Variants in RAB11A observed in about 807,000 individuals in gnomAD.
The protein encoded by RAB11A is RAB11A, member RAS oncogene family, also known as ras-related protein Rab-11A.
A neutral mutation model predicts 28.0 loss-of-function variants in RAB11A; 9 were observed. The ratio of observed to expected loss-of-function variants is 0.32; its 90% CI spans 0.19 to 0.56. The LOEUF is 0.56. Among genes scored for constraint, RAB11A ranks in the 20% least tolerant of loss-of-function variants. The pLI is 0.91. For synonymous variants in RAB11A, 85 were observed against 88.2 expected (o/e 0.96, Z 0.20); for missense variants, 108 against 269.6 (o/e 0.40, Z 4.20).
At chr15:65,871,956 G>A (rs1319710837) in intron 1 of RAB11A, among the ~76,000 whole-genome samples, 1 of 120,920 alleles carries the variant, frequency 8.3e-6, no homozygotes, top group East Asian at 2.2e-4. Flanking sequence ...TTTGGAGACA[G>A]GGTCTCGCTC....
chr15:65,881,115 T>A (rs1284309753), intron 4 of RAB11A, among the ~76,000 whole-genome samples: 1 of 152,218 alleles, frequency 6.6e-6, no homozygotes, highest in East Asian at 1.9e-4. Flanking sequence ...TATAATTCTT[T>A]TCTGTTATCA....
chr15:65,876,327 C>G (rs556861310), intron 1 of RAB11A, among the ~76,000 whole-genome samples: 1 of 152,198 alleles, frequency 6.6e-6, no homozygotes, highest in South Asian at 2.1e-4. Context: ...GACAGAGTCT[C>G]AGTGTGTCGC....
intron 4 of RAB11A, among the ~76,000 whole-genome samples, chr15:65,881,431 G>A (rs1358830453): frequency 6.6e-6 from 1 of 152,152 alleles, no homozygotes; most frequent in Non-Finnish European, 1.5e-5. Flanking sequence ...CTTAAAACAT[G>A]TGAATTAAAT....
chr15:65,869,547 AC>A lies in RAB11A; in HGVS notation c.-37del. ...AGCGACGCCCCCTGGTCCCACAGAT[AC>A]CACTGCTGCTCCCGCCCTTTCGCTC... On this transcript the variant is annotated 5_prime_UTR_variant, in exon 1 of 5. Transcript: ENST00000261890. The A allele has an allele frequency of 6.2e-7, 1 of 1,605,368 alleles. No homozygotes were observed. Among genetic ancestry groups the A allele is most frequent in the Non-Finnish European group, 8.5e-7 (1 of 1,177,802 alleles).
At chr15:65,887,211 T>C (rs2078261068) in intron 4 of RAB11A, among the ~76,000 whole-genome samples, 1 of 151,876 alleles carries the variant, frequency 6.6e-6, no homozygotes, top group South Asian at 2.1e-4. Flanking sequence ...TCTTGCTCTG[T>C]TGTCTAGGCT....
chr15:65,886,413 G>A (rs1011019513), intron 4 of RAB11A, among the ~76,000 whole-genome samples: 2 of 152,186 alleles, frequency 1.3e-5, no homozygotes, highest in Admixed American at 1.3e-4. Context: ...GATTAAATTA[G>A]TTTTAAATAT....
At position 65,888,719 on chromosome 15, in the gene RAB11A, T is replaced by G. The variant is rs1407222190; in HGVS notation, c.*879T>G. On this transcript the variant is annotated 3_prime_UTR_variant, in exon 5 of 5. Transcript: ENST00000261890. ...AAATTTTGAAGTGTTAATTTTGTCTTAGAACCTTCCAGTAAGTGAAATACA... is the reference window on the plus strand; with the variant it reads ...AAATTTTGAAGTGTTAATTTTGTCTGAGAACCTTCCAGTAAGTGAAATACA... 1.3e-5 allele frequency: 2 copies of G among 152,650 alleles called. No homozygotes were observed. Among genetic ancestry groups the G allele is most frequent in the East Asian group, 3.8e-4 (2 of 5,204 alleles). The allele number at this position is 152,650 out of a possible 1,614,324, so 9.5% of individuals were successfully genotyped here. A position where few individuals can be genotyped will look rare whatever the true frequency, so the allele number is the denominator to read the frequency against.
At chr15:65,875,532 T>C (rs1596783917) in intron 1 of RAB11A, among the ~76,000 whole-genome samples, 1 of 152,232 alleles carries the variant, frequency 6.6e-6, no homozygotes, top group Non-Finnish European at 1.5e-5. Flanking sequence ...TCTTCTGATA[T>C]CAAATAAAAG....
intron 1 of RAB11A, among the ~76,000 whole-genome samples, chr15:65,875,429 A>G (rs1282248238): frequency 6.6e-6 from 1 of 152,212 alleles, no homozygotes; most frequent in African/African-American, 2.4e-5. Flanking sequence ...CATATCCAGA[A>G]TGGTGGACCT....
intron 4 of RAB11A, among the ~76,000 whole-genome samples, chr15:65,883,418 C>G (rs1384115977): frequency 6.6e-6 from 1 of 152,176 alleles, no homozygotes; most frequent in Non-Finnish European, 1.5e-5. Context: ...AAGTTATACA[C>G]TTTTGGCAGG....
chr15:65,889,961 A>G lies in RAB11A; in HGVS notation c.*2121A>G, dbSNP rs1567140721. ...TAGGAGACAAACTGTCTCAAGCAAG[A>G]AACAATAAATTTTTAAATATTATGA... On this transcript the variant is annotated 3_prime_UTR_variant, in exon 5 of 5. Transcript: ENST00000261890. 1 of 152,186 alleles carries G rather than the reference A, an allele frequency of 6.6e-6. No homozygotes were observed. Among genetic ancestry groups the G allele is most frequent in the Non-Finnish European group, 1.5e-5 (1 of 68,030 alleles). The allele number at this position is 152,186 out of a possible 1,614,324, so 9.4% of individuals were successfully genotyped here.
At chr15:65,873,008 A>G (rs1318591800) in intron 1 of RAB11A, among the ~76,000 whole-genome samples, 1 of 152,192 alleles carries the variant, frequency 6.6e-6, no homozygotes, top group Non-Finnish European at 1.5e-5. Context: ...AAATAAAGGG[A>G]TATTTTGATT....
In RAB11A at chr15:65,874,530, C is replaced by A. The variant is rs144428829; in HGVS notation, c.41-2802C>A. Reference sequence around the variant, plus strand: ...TGCTGGGATTACAGGTGTGAGCCACCACGCCCGGCCTAGTTGAGATAACTT... The same window carrying A: ...TGCTGGGATTACAGGTGTGAGCCACAACGCCCGGCCTAGTTGAGATAACTT... On this transcript the variant is annotated intron_variant, in intron 1 of 4. Transcript: ENST00000261890. Among the ~76,000 whole-genome samples the A allele has an allele frequency of 1.0e-3, 152 of 152,194 alleles. 1 individual carries two copies. The highest frequency in any genetic ancestry group is 2.0e-3 in the Non-Finnish European group (133 of 67,992).
chr15:65,878,861 A>G (rs886318193), intron 3 of RAB11A, among the ~76,000 whole-genome samples: 2 of 152,254 alleles, frequency 1.3e-5, no homozygotes, highest in African/African-American at 4.8e-5. Context: ...GAGGATAGCA[A>G]GAGATGGAAA....
intron 4 of RAB11A, among the ~76,000 whole-genome samples, chr15:65,885,929 C>T (rs2078253288): frequency 6.6e-6 from 1 of 152,190 alleles, no homozygotes; most frequent in Non-Finnish European, 1.5e-5. Flanking sequence ...GAGGGGATTA[C>T]TGGGGAGGAT....
At position 65,877,337 on chromosome 15, in the gene RAB11A, C is replaced by T; in HGVS notation, c.46C>T (p.Leu16Phe). The T allele has an allele frequency of 6.2e-7, 1 of 1,610,500 alleles. No individual in the cohort carries two copies. The highest frequency in any genetic ancestry group is 8.5e-7 in the Non-Finnish European group (1 of 1,177,714). ...TGAATTCTTTGTCTTTCCAGTTGTC[C>T]TTATTGGAGATTCTGGTGTTGGAAA... The part of the protein sequence containing the change: ...DEYDYLFKVV[L>F]IGDSGVGKSN... The change falls in exon 2 of 5, where the codon CTT becomes TTT. Residue 16 changes from leucine (L) to phenylalanine (F), a missense_variant. Around this residue, in one of 2 missense-constraint regions of RAB11A, gnomAD observed 23 missense variants for 123.7 expected, o/e 0.19. Transcript: ENST00000261890. This position sits in a 1 kb window ranked among gnomAD's most constrained non-coding sequence, Gnocchi z 4.1.
At chr15:65,884,546 G>C (rs1244190724) in intron 4 of RAB11A, among the ~76,000 whole-genome samples, 1 of 152,124 alleles carries the variant, frequency 6.6e-6, no homozygotes, top group African/African-American at 2.4e-5. Flanking sequence ...TAATTAAAGA[G>C]ATCTCATTAC....
intron 3 of RAB11A, among the ~76,000 whole-genome samples, chr15:65,879,159 A>G (rs930473352): frequency 6.6e-6 from 1 of 152,064 alleles, no homozygotes; most frequent in Admixed American, 6.5e-5. Context: ...CGCTCAGCTA[A>G]TTTTTAGTAT....
At chr15:65,885,633 ATAGG>A (rs1458891008) in intron 4 of RAB11A, among the ~76,000 whole-genome samples, 1 of 152,144 alleles carries the variant, frequency 6.6e-6, no homozygotes, top group African/African-American at 2.4e-5. Context: ...GGTCCAAACG[ATAGG>A]TAGAGGTTAG....
Sources: allele counts gnomAD v4.1 joint callset (sites outside exome capture counted in the v4.1 genomes callset), GRCh38; gene constraint gnomAD v4.1.1; regional missense constraint gnomAD v4.1.1; non-coding constraint Gnocchi (gnomAD v3.1); transcripts MANE v1.5; gene names NCBI Gene and HGNC (gene_info 2026-07-23, HGNC 2026-07-21).